The following CRMP1 variants were observed in gnomAD, a reference collection of about 807,000 sequenced individuals.
The protein encoded by CRMP1 is dihydropyrimidinase-related protein 1.
In CRMP1, 19 loss-of-function variants were observed where a neutral mutation model predicts 68.3. The ratio of observed to expected loss-of-function variants is 0.28; its 90% CI spans 0.19 to 0.41. The LOEUF (loss-of-function observed/expected upper bound fraction) is 0.41, where lower values mean the gene tolerates loss of function less well. Ranked by LOEUF, CRMP1 falls within the 10% of genes least tolerant of loss-of-function variation. The pLI, the probability that CRMP1 is intolerant of heterozygous loss-of-function variation, is 1.00. For missense variants in CRMP1, 791 were observed against 967.4 expected (o/e 0.82, Z 2.42); for synonymous variants, 439 against 399.6 (o/e 1.10, Z -1.18).
rs544789576 is a variant in CRMP1, at chr4:5,879,649, G to A, written c.382-12893C>T. On this transcript the variant is annotated intron_variant, in intron 1 of 13. Coordinates refer to ENST00000324989, the MANE Select transcript of CRMP1 (RefSeq NM_001014809.3). This position sits in a 1 kb window ranked among gnomAD's most constrained non-coding sequence, Gnocchi z 4.2. ...AATACACTGAACACTGTCCTATGAAGTTTAACATTCTATGCCAAATGCTCT... is the reference window on the plus strand; with the variant it reads ...AATACACTGAACACTGTCCTATGAAATTTAACATTCTATGCCAAATGCTCT... Among the ~76,000 whole-genome samples, 1 of 152,298 alleles carries A rather than the reference G, an allele frequency of 6.6e-6. No homozygotes were observed. Among genetic ancestry groups the A allele is most frequent in the Admixed American group, 6.5e-5 (1 of 15,294 alleles).
intron 1 of CRMP1, among the ~76,000 whole-genome samples, chr4:5,878,350 T>A (rs976537944): frequency 6.6e-6 from 1 of 152,086 alleles, no homozygotes; most frequent in South Asian, 2.1e-4. Flanking sequence ...ACTACACTTA[T>A]CTGCTCAGTG....
intron 11 of CRMP1, 151 bp downstream of exon 11, chr4:5,835,764 C>G (rs964940651): frequency 3.2e-6 from 3 of 945,604 alleles, no homozygotes; most frequent in Non-Finnish European, 4.3e-6. Context: ...CCCAATCTCT[C>G]CAACTGGAGG....
At chr4:5,835,798 G>C in intron 11 of CRMP1, 117 bp downstream of exon 11, 1 of 1,193,178 alleles carries the variant, frequency 8.4e-7, no homozygotes, top group Non-Finnish European at 1.1e-6. Context: ...ACTGAGTCAG[G>C]CTAGATATCA....
chr4:5,859,553 G>T lies in CRMP1; in HGVS notation c.655+1473C>A, dbSNP rs1017697169. ...CACCCTAGGCACTTCCCACCATAAGGCCCACATTATAGATGAGGAAGCTGA... is the reference window on the plus strand; with the variant it reads ...CACCCTAGGCACTTCCCACCATAAGTCCCACATTATAGATGAGGAAGCTGA... On this transcript the variant is annotated intron_variant, in intron 3 of 13. Transcript: ENST00000324989. This position sits in a 1 kb window ranked among gnomAD's most constrained non-coding sequence, Gnocchi z 5.2. 7.2e-5 allele frequency among the ~76,000 whole-genome samples: 11 copies of T among 152,158 alleles called. No individual in the cohort carries two copies. Among genetic ancestry groups the T allele is most frequent in the Non-Finnish European group, 2.9e-5 (2 of 68,030 alleles).
intron 2 of CRMP1, among the ~76,000 whole-genome samples, chr4:5,863,517 G>C (rs1187499482): frequency 6.6e-6 from 1 of 152,122 alleles, no homozygotes; most frequent in Non-Finnish European, 1.5e-5. Context: ...GACCCCCAGT[G>C]AATCAGAGGG....
Position 5,889,689 on chromosome 4 carries a change from T to G in CRMP1, c.381+2900A>C, listed in dbSNP as rs2152477703. The stretch of plus-strand genomic sequence containing the variant: ...TCCAACCCCACAGGTCCTATGAAAC[T>G]ACTCATCTTTTCTGCTTTCAAGTTG... On this transcript the variant is annotated intron_variant, in intron 1 of 13. Transcript: ENST00000324989. The surrounding 1 kb of genome is among the most constrained non-coding windows in gnomAD (Gnocchi z 4.5). 6.5e-7 allele frequency: 1 copy of G among 1,536,066 alleles called. No individual in the cohort carries two copies. The highest frequency in any genetic ancestry group is 8.7e-7 in the Non-Finnish European group (1 of 1,146,862).
At position 5,821,967 on chromosome 4, in the gene CRMP1, C is replaced by A; in HGVS notation, c.1970-116G>T. On this transcript the variant is annotated intron_variant, in intron 13 of 13. Transcript: ENST00000324989. The surrounding 1 kb of genome is among the most constrained non-coding windows in gnomAD (Gnocchi z 4.4). ...ACTGGACCCACCTTCATTCAGGGCT[C>A]AGTCCAGGACCAGCCATGGGAAGCC... 1.1e-6 allele frequency: 1 copy of A among 889,336 alleles called. No individual in the cohort carries two copies. The highest frequency in any genetic ancestry group is 2.0e-5 in the South Asian group (1 of 50,110). The allele number at this position is 889,336 out of a possible 1,614,324, so 55.1% of individuals were successfully genotyped here.
Position 5,843,638 on chromosome 4 carries a change from G to C in CRMP1, c.964-477C>G, listed in dbSNP as rs1366933260. Among the ~76,000 whole-genome samples, 1 of 152,174 alleles carries C rather than the reference G, an allele frequency of 6.6e-6. No individual in the cohort carries two copies. The highest frequency in any genetic ancestry group is 1.5e-5 in the Non-Finnish European group (1 of 68,028). ...CGTCTCTGTGACTTTGGGCAGGTTG[G>C]TCAAGCTCTCTTGACCTCAGTCTCC... is the stretch of plus-strand genomic sequence containing the variant. On this transcript the variant is annotated intron_variant, in intron 6 of 13. Transcript: ENST00000324989. This position sits in a 1 kb window ranked among gnomAD's most constrained non-coding sequence, Gnocchi z 4.1.
chr4:5,827,126 C>A (rs2152447403), intron 12 of CRMP1, among the ~76,000 whole-genome samples: 1 of 152,328 alleles, frequency 6.6e-6, no homozygotes, highest in South Asian at 2.1e-4. Flanking sequence ...ACCCCCCGAT[C>A]CTATTGCTCC....
At chr4:5,871,228 A>G (rs1714416769) in intron 1 of CRMP1, among the ~76,000 whole-genome samples, 1 of 152,168 alleles carries the variant, frequency 6.6e-6, no homozygotes, top group Non-Finnish European at 1.5e-5. Flanking sequence ...CAACCTCTTC[A>G]TGTTCTTTCT....
rs1278971652 is a variant in CRMP1, at chr4:5,843,678, G to C, written c.964-517C>G. ...CCTCAGTCTCCTCTTCTGTACACTGGGGATAACGGTGCTTGTACTGCAGAG... is the reference window on the plus strand; with the variant it reads ...CCTCAGTCTCCTCTTCTGTACACTGCGGATAACGGTGCTTGTACTGCAGAG... On this transcript the variant is annotated intron_variant, in intron 6 of 13. Transcript: ENST00000324989. The surrounding 1 kb of genome is among the most constrained non-coding windows in gnomAD (Gnocchi z 4.1). 6.6e-6 allele frequency among the ~76,000 whole-genome samples: 1 copy of C among 152,134 alleles called. No individual in the cohort carries two copies. Among genetic ancestry groups the C allele is most frequent in the Admixed American group, 6.5e-5 (1 of 15,274 alleles).
In CRMP1 at chr4:5,838,310, G is replaced by A. The variant is rs1720863845; in HGVS notation, c.1310+1212C>T. Among the ~76,000 whole-genome samples the A allele has an allele frequency of 6.6e-6, 1 of 152,126 alleles. No individual in the cohort carries two copies. The highest frequency in any genetic ancestry group is 1.5e-5 in the Non-Finnish European group (1 of 68,016). ...GGGAGGGAGGTTGGTCAGGGCGTGT[G>A]CACCGGATTGAGTTCTGCCTTGTTG... On this transcript the variant is annotated intron_variant, in intron 9 of 13. Transcript: ENST00000324989. The surrounding 1 kb of genome is among the most constrained non-coding windows in gnomAD (Gnocchi z 4.9).
chr4:5,827,676 G>A (rs28542436), intron 12 of CRMP1, among the ~76,000 whole-genome samples: 14,416 of 151,430 alleles, frequency 0.095, 1,339 homozygotes, highest in African/African-American at 0.25. Context: ...ACATACACAC[G>A]TGCATGCATG....
rs945374850 is a variant in CRMP1 at position 5,892,007 on chromosome 4, G to A, written c.381+582C>T. ...AGGGTAGGGGTTTACGGCTCCAACT[G>A]CCCGACGAACTAAATCCTTAACCAA... is the stretch of plus-strand genomic sequence containing the variant. On this transcript the variant is annotated intron_variant, in intron 1 of 13. Coordinates refer to ENST00000324989, the MANE Select transcript of CRMP1 (RefSeq NM_001014809.3). This position sits in a 1 kb window ranked among gnomAD's most constrained non-coding sequence, Gnocchi z 8.6. 1.3e-5 allele frequency among the ~76,000 whole-genome samples: 2 copies of A among 152,152 alleles called. No homozygotes were observed. The highest frequency in any genetic ancestry group is 2.9e-5 in the Non-Finnish European group (2 of 68,030).
At chr4:5,862,863 G>A (rs757422593) in intron 2 of CRMP1, among the ~76,000 whole-genome samples, 1 of 152,132 alleles carries the variant, frequency 6.6e-6, no homozygotes, top group Non-Finnish European at 1.5e-5. Flanking sequence ...GGAGTACAGT[G>A]GTACAGGTCA....
rs1421996243 is a variant in CRMP1 at position 5,861,439 on chromosome 4, GGGGGCACGAGGA to G, written c.471-241_471-230del. On this transcript the variant is annotated intron_variant, in intron 2 of 13. Coordinates refer to ENST00000324989, the MANE Select transcript of CRMP1 (RefSeq NM_001014809.3). This position sits in a 1 kb window ranked among gnomAD's most constrained non-coding sequence, Gnocchi z 6.0. ...AGAGCCCAGTATAGCAGAGATGATC[GGGGGCACGAGGA>G]GGGGCCCTTTCATCCAGTCTCATTA... is the stretch of plus-strand genomic sequence containing the variant. 1.3e-5 allele frequency among the ~76,000 whole-genome samples: 2 copies of G among 152,112 alleles called. No individual in the cohort carries two copies. Among genetic ancestry groups the G allele is most frequent in the African/African-American group, 4.8e-5 (2 of 41,406 alleles).
intron 9 of CRMP1, among the ~76,000 whole-genome samples, chr4:5,837,678 T>TAAAATAAAATAAAATAAAATA (rs142096286): frequency 0.19 from 23,427 of 123,892 alleles, 2,516 homozygotes; most frequent in African/African-American, 0.24. Flanking sequence ...TAAAATAAAA[T>TAAAATAAAATAAAATAAAATA]AAATAAAATA....
At position 5,825,306 on chromosome 4, in the gene CRMP1, C is replaced by G. The variant is rs982235455; in HGVS notation, c.1969+188G>C. 1.3e-4 allele frequency: 132 copies of G among 985,194 alleles called. No individual in the cohort carries two copies. Among genetic ancestry groups the G allele is most frequent in the Non-Finnish European group, 1.5e-4 (128 of 829,914 alleles). 61.0% of individuals were successfully genotyped at this position (985,194 alleles called of 1,614,324 possible). On this transcript the variant is annotated intron_variant, in intron 13 of 13. Transcript: ENST00000324989. This position sits in a 1 kb window ranked among gnomAD's most constrained non-coding sequence, Gnocchi z 4.4. ...ATGTTGCCCCCCTAACATGGACCCC[C>G]CTCTGCTTGGTGACCATGCCAGCCC...
rs1713453922 is a variant in CRMP1, at chr4:5,860,410, C to A, written c.655+616G>T. Among the ~76,000 whole-genome samples, 1 of 152,202 alleles carries A rather than the reference C, an allele frequency of 6.6e-6. No homozygotes were observed. The highest frequency in any genetic ancestry group is 1.5e-5 in the Non-Finnish European group (1 of 68,036). On this transcript the variant is annotated intron_variant, in intron 3 of 13. Transcript: ENST00000324989. The surrounding 1 kb of genome is among the most constrained non-coding windows in gnomAD (Gnocchi z 4.2). ...CCAGCCCCACTCCCACTCCTGCACA[C>A]CCTCAAATGAGAAAAACAAGTGTTG...
Sources: gnomAD v4.1 joint callset for allele counts (sites outside exome capture counted in the v4.1 genomes callset) on GRCh38, gnomAD v4.1.1 for gene constraint, Gnocchi (gnomAD v3.1) non-coding constraint, MANE v1.5 for transcripts, NCBI Gene and HGNC (gene_info 2026-07-23, HGNC 2026-07-21) for gene names.